RYR3: variants seen among roughly 807,000 people sequenced by gnomAD.
The protein encoded by RYR3 is brain ryanodine receptor-calcium release channel.
Under a neutral mutation model 584.3 loss-of-function variants are expected in RYR3, and 207 were observed. The observed-to-expected ratio is 0.35, with a 90% CI of 0.32 to 0.40. The LOEUF (loss-of-function observed/expected upper bound fraction) is 0.40, where lower values mean the gene tolerates loss of function less well. Ranked by LOEUF, RYR3 falls within the 10% of genes least tolerant of loss-of-function variation. RYR3 has a pLI of 1.00. For synonymous variants in RYR3, 2,416 were observed against 2,248.5 expected (o/e 1.07, Z -2.11); for missense variants, 5,616 against 6,089.2 (o/e 0.92, Z 2.59).
chr15:33,861,750 T>C (rs547241612), intron 102 of RYR3, among the ~76,000 whole-genome samples: 50 of 152,190 alleles, frequency 3.3e-4, no homozygotes, highest in Non-Finnish European at 6.9e-4. Context: ...TGTCTGTCTT[T>C]TCTCATTAAT....
intron 1 of RYR3, among the ~76,000 whole-genome samples, chr15:33,435,785 G>A (rs941741194): frequency 6.6e-6 from 1 of 152,150 alleles, no homozygotes; most frequent in Non-Finnish European, 1.5e-5. Flanking sequence ...TCTTAAAGGT[G>A]GTGTGGACCC....
intron 1 of RYR3, among the ~76,000 whole-genome samples, chr15:33,318,062 C>T (rs1268977880): frequency 6.6e-6 from 1 of 152,222 alleles, no homozygotes; most frequent in Non-Finnish European, 1.5e-5. Flanking sequence ...TCAGAAATTA[C>T]ACTCAACATG....
rs143131573 is a variant in RYR3 at position 33,852,969 on chromosome 15, C to T, written c.13629-76C>T. 1.1e-5 allele frequency: 15 copies of T among 1,307,780 alleles called. No individual in the cohort carries two copies. In the African/African-American group the frequency reaches 1.5e-4, roughly 13 times the overall value. The allele number at this position is 1,307,780 out of a possible 1,614,324, so 81.0% of individuals were successfully genotyped here. A position where few individuals can be genotyped will look rare whatever the true frequency, so the allele number is the denominator to read the frequency against. On this transcript the variant is annotated intron_variant, in intron 94 of 103. Coordinates refer to ENST00000634891, the MANE Select transcript of RYR3 (RefSeq NM_001036.6). ...CAGAAAGATCCCAGATCCAGGCACTCAAACTGAAACGTTTCTTGATGTGTT... is the reference window on the plus strand; with the variant it reads ...CAGAAAGATCCCAGATCCAGGCACTTAAACTGAAACGTTTCTTGATGTGTT...
intron 54 of RYR3, 32 bp downstream of exon 54, chr15:33,748,292 G>A: frequency 6.2e-7 from 1 of 1,609,274 alleles, no homozygotes; most frequent in Non-Finnish European, 8.5e-7. Context: ...CCCACGCTGG[G>A]CCGATGGAAG....
chr15:33,444,107 C>T (rs1179517370), intron 1 of RYR3, among the ~76,000 whole-genome samples: 1 of 152,028 alleles, frequency 6.6e-6, no homozygotes, highest in Non-Finnish European at 1.5e-5. Flanking sequence ...AAATTGAGAC[C>T]CATAGTAAAA....
chr15:33,435,150 C>T (rs2045552653), intron 1 of RYR3, among the ~76,000 whole-genome samples: 1 of 150,856 alleles, frequency 6.6e-6, no homozygotes, highest in Non-Finnish European at 1.5e-5. Flanking sequence ...GGTACATGTG[C>T]AGGTTTGTTA....
At chr15:33,719,545 T>C (rs977648866) in intron 43 of RYR3, among the ~76,000 whole-genome samples, 2 of 152,258 alleles carry the variant, frequency 1.3e-5, no homozygotes, top group Non-Finnish European at 2.9e-5. Context: ...CATTTTTTTA[T>C]ATTTAAAATT....
intron 98 of RYR3, chr15:33,856,947 C>T (rs919101048): frequency 1.3e-5 from 2 of 152,156 alleles, no homozygotes; most frequent in African/African-American, 4.8e-5. Context: ...GTGAGCCACC[C>T]CATGCCCGGC....
At chr15:33,583,008 T>TA (rs2058670904) in intron 14 of RYR3, among the ~76,000 whole-genome samples, 1 of 151,582 alleles carries the variant, frequency 6.6e-6, no homozygotes, top group South Asian at 2.1e-4. Context: ...TGTAGATTGG[T>TA]AAAACTCAAA....
chr15:33,853,358 C>T (rs923095522), intron 95 of RYR3, among the ~76,000 whole-genome samples, 197 bp from the exon 96 acceptor site: 2 of 152,144 alleles, frequency 1.3e-5, no homozygotes, highest in African/African-American at 2.4e-5. Context: ...TCAGTATCAG[C>T]TTAAAAAACA....
intron 1 of RYR3, among the ~76,000 whole-genome samples, chr15:33,430,246 G>A (rs993566339): frequency 6.6e-6 from 1 of 152,228 alleles, no homozygotes; most frequent in Non-Finnish European, 1.5e-5. Flanking sequence ...GAATCGGGCA[G>A]CTAATGCTTA....
rs752845525 is a variant in RYR3, at chr15:33,788,318, G to A, written c.9690G>A (p.Val3230=). Residue 3230 remains valine (V), a synonymous_variant, in exon 67 of 104, where the codon GTG becomes GTA. Transcript: ENST00000634891. ...EKLKKKAVKT[V]QEEEQLKADG... is the part of the protein sequence containing the mutation. Reference sequence around the variant, plus strand: ...TGAAGAAAAAGGCTGTCAAGACGGTGCAGGAGGAGGAGCAGTTGAAAGCCG... The same window carrying A: ...TGAAGAAAAAGGCTGTCAAGACGGTACAGGAGGAGGAGCAGTTGAAAGCCG... 1 of 1,614,014 alleles carries A rather than the reference G, an allele frequency of 6.2e-7. No individual in the cohort carries two copies. Among genetic ancestry groups the A allele is most frequent in the African/African-American group, 1.3e-5 (1 of 75,056 alleles).
rs2074637352 is a variant in RYR3 at position 33,785,318 on chromosome 15, G to A, written c.9269-344G>A. Among the ~76,000 whole-genome samples, 3 of 152,276 alleles carry A rather than the reference G, an allele frequency of 2.0e-5. No individual in the cohort carries two copies. In the South Asian group the frequency reaches 6.2e-4, roughly 32 times the overall value. ...GATTTTCCTGCAGGGGACACACTAA[G>A]GCCCAGGCAGGCAAGCCAAGAGGGA... On this transcript the variant is annotated intron_variant, in intron 65 of 103. Transcript: ENST00000634891.
intron 1 of RYR3, among the ~76,000 whole-genome samples, chr15:33,417,025 C>G (rs1038387639): frequency 6.6e-6 from 1 of 152,082 alleles, no homozygotes; most frequent in African/African-American, 2.4e-5. Context: ...TTTCAGTAGT[C>G]CCTATTCAGT....
chr15:33,842,109 T>C (rs931480709), intron 91 of RYR3, 74 bp downstream of exon 91: 110 of 1,483,164 alleles, frequency 7.4e-5, no homozygotes, highest in Non-Finnish European at 1.0e-4. Flanking sequence ...GTGCCGCTGA[T>C]TTGTTTCACT....
intron 20 of RYR3, 30 bp downstream of exon 20, chr15:33,624,053 C>T (rs1386564952): frequency 7.0e-7 from 1 of 1,433,082 alleles, no homozygotes. Flanking sequence ...AGAAGGCAAC[C>T]AATATAGATG....
intron 1 of RYR3, among the ~76,000 whole-genome samples, chr15:33,431,696 G>A (rs569243284): frequency 1.9e-4 from 29 of 152,218 alleles, no homozygotes; most frequent in Admixed American, 9.2e-4. Flanking sequence ...AGACAAGGAG[G>A]TTGAGGCTGC....
At chr15:33,664,041 T>A (rs1357181749) in intron 36 of RYR3, among the ~76,000 whole-genome samples, 2 of 152,148 alleles carry the variant, frequency 1.3e-5, no homozygotes, top group South Asian at 2.1e-4. Context: ...TTCAATTGTC[T>A]CCTCAGCAAG....
intron 67 of RYR3, among the ~76,000 whole-genome samples, chr15:33,800,193 T>C (rs958870480): frequency 6.6e-6 from 1 of 152,214 alleles, no homozygotes; most frequent in Middle Eastern, 3.2e-3. Flanking sequence ...ATGAAGATAA[T>C]TGATCTCTGC....
Sources: allele counts gnomAD v4.1 joint callset (sites outside exome capture counted in the v4.1 genomes callset), GRCh38; gene constraint gnomAD v4.1.1; transcripts MANE v1.5; gene names NCBI Gene and HGNC (gene_info 2026-07-23, HGNC 2026-07-21).